NOTUM: variants seen among roughly 807,000 people sequenced by gnomAD.
NOTUM encodes the protein palmitoleoyl-protein carboxylesterase NOTUM.
In NOTUM, 36 loss-of-function variants were observed where a neutral mutation model predicts 65.5. The ratio of observed to expected loss-of-function variants is 0.55; its 90% CI spans 0.42 to 0.73. The LOEUF is 0.73. Ranked by LOEUF, NOTUM falls within the 30% of genes least tolerant of loss-of-function variation. The pLI is 0.00. For synonymous variants in NOTUM, 356 were observed against 297.9 expected (o/e 1.20, Z -2.01); for missense variants, 659 against 694.2 (o/e 0.95, Z 0.57).
chr17:81,957,042 T>G lies in NOTUM; in HGVS notation c.728A>C (p.Asp243Ala). 1 of 1,608,856 alleles carries G rather than the reference T, an allele frequency of 6.2e-7. No homozygotes were observed. The highest frequency in any genetic ancestry group is 8.5e-7 in the Non-Finnish European group (1 of 1,179,810). ...AGGTGVLLNV[D>A]RVAEQLEKLG... ...CTTCTCCAGCTGCTCAGCCACACGG[T>G]CCACATTCAGGAGCACCCCGGTGCC... is the stretch of plus-strand genomic sequence containing the variant. Residue 243 changes from aspartate to alanine, a missense_variant, in exon 7 of 11, where the codon GAC becomes GCC. Coordinates refer to ENST00000409678, the MANE Select transcript of NOTUM (RefSeq NM_178493.6).
chr17:81,958,924 T>G lies in NOTUM; in HGVS notation c.533+11A>C. 6.2e-7 allele frequency: 1 copy of G among 1,608,586 alleles called. No homozygotes were observed. Among genetic ancestry groups the G allele is most frequent in the South Asian group, 1.1e-5 (1 of 91,010 alleles). On this transcript the variant is annotated intron_variant, in intron 4 of 10. Coordinates refer to ENST00000409678, the MANE Select transcript of NOTUM (RefSeq NM_178493.6). The stretch of plus-strand genomic sequence containing the variant: ...GGCAGGACTCCCAGGCAAGACCCTG[T>G]GCCCCCTTACACCATGTTTGCGTTC...
Position 81,960,737 on chromosome 17 carries a change from G to A in NOTUM, c.173C>T (p.Ala58Val), listed in dbSNP as rs763314766. 4.4e-6 allele frequency: 7 copies of A among 1,600,196 alleles called. No homozygotes were observed. The highest frequency in any genetic ancestry group is 6.0e-6 in the Non-Finnish European group (7 of 1,174,234). The stretch of plus-strand genomic sequence containing the variant: ...GAAGCTGTCCATGTTACCCTCCACG[G>A]CCGTGAAGTCCAGCGGGAAGCTCTC... ...PVESFPLDFT[A>V]VEGNMDSFMA... The change falls in exon 1 of 11, where the codon GCC (alanine) becomes GTC (valine). Residue 58 changes from alanine to valine, a missense_variant. Physicochemically the swap from Ala to Val is moderately conservative, Grantham distance 64. Coordinates refer to ENST00000409678, the MANE Select transcript of NOTUM (RefSeq NM_178493.6). This position sits in a 1 kb window ranked among gnomAD's most constrained non-coding sequence, Gnocchi z 6.4.
Position 81,960,651 on chromosome 17 carries a change from C to G in NOTUM, c.259G>C (p.Glu87Gln), listed in dbSNP as rs765679835. ...LYPCSAQQLN[E>Q]DLRLHLLLNT... ...AGTAGGAGGTGCAGGCGCAGGTCCTCGTTGAGCTGCTGCGCGGAGCAGGGG... is the reference window on the plus strand; with the variant it reads ...AGTAGGAGGTGCAGGCGCAGGTCCTGGTTGAGCTGCTGCGCGGAGCAGGGG... The change falls in exon 1 of 11, where the codon GAG (glutamate) becomes CAG (glutamine). Residue 87 changes from glutamate to glutamine, a missense_variant. Glu to Gln is a conservative substitution (Grantham distance 29). Transcript: ENST00000409678. This position sits in a 1 kb window ranked among gnomAD's most constrained non-coding sequence, Gnocchi z 6.4. The G allele has an allele frequency of 3.2e-6, 5 of 1,578,060 alleles. No individual in the cohort carries two copies. The highest frequency in any genetic ancestry group is 4.3e-6 in the Non-Finnish European group (5 of 1,160,924).
intron 5 of NOTUM, 76 bp from the exon 6 acceptor site, chr17:81,957,984 G>A (rs2041445936): frequency 1.8e-6 from 2 of 1,132,748 alleles, no homozygotes; most frequent in Non-Finnish European, 2.6e-6. Flanking sequence ...ATGGCTGGCA[G>A]AGAAGTTCTT....
intron 5 of NOTUM, 79 bp downstream of exon 5, chr17:81,958,256 C>T: frequency 5.3e-6 from 5 of 949,390 alleles, no homozygotes; most frequent in East Asian, 2.4e-5. Context: ...TCATCCCTGC[C>T]CTGCCGTCCT....
At chr17:81,958,012 G>C in intron 5 of NOTUM, 104 bp from the exon 6 acceptor site, 1 of 859,094 alleles carries the variant, frequency 1.2e-6, no homozygotes, top group Non-Finnish European at 1.9e-6. Flanking sequence ...TGGGGGACTG[G>C]GAGGAATCTT....
Position 81,952,709 on chromosome 17 carries a change from G to A in NOTUM, c.*252C>T, listed in dbSNP as rs2041396215. 3.6e-6 allele frequency: 2 copies of A among 562,396 alleles called. No homozygotes were observed. The highest frequency in any genetic ancestry group is 3.3e-5 in the Admixed American group (1 of 30,594). The allele number at this position is 562,396 out of a possible 1,614,324, so 34.8% of individuals were successfully genotyped here. ...TGAGGAATCCAGTGCTTCTCTTCTG[G>A]CTACCCCCTCGTTGTCAGGAAGGAC... On this transcript the variant is annotated 3_prime_UTR_variant, in exon 11 of 11. Transcript: ENST00000409678.
chr17:81,957,946 G>C, intron 5 of NOTUM, 38 bp from the exon 6 acceptor site: 1 of 1,444,308 alleles, frequency 6.9e-7, no homozygotes, highest in Non-Finnish European at 9.6e-7. Context: ...TAGGGGCCTG[G>C]ACAGAGAGAA....
In NOTUM at chr17:81,956,661, G is replaced by A; in HGVS notation, c.977C>T (p.Pro326Leu). 2.5e-6 allele frequency: 4 copies of A among 1,610,766 alleles called. No individual in the cohort carries two copies. Among genetic ancestry groups the A allele is most frequent in the Non-Finnish European group, 3.4e-6 (4 of 1,177,976 alleles). Residue 326 changes from proline (P) to leucine (L), a missense_variant, in exon 8 of 11, where the codon CCG becomes CTG. Transcript: ENST00000409678. ...WNCFFGYKVY[P>L]TLRCPVFVVQ... is the part of the protein sequence containing the mutation. ...TGCCGCCCACTCACAGCGCAGGGTC[G>A]GGTAGACCTTGTAGCCAAAGAAGCA...
Position 81,952,900 on chromosome 17 carries a change from T to C in NOTUM, c.*61A>G, listed in dbSNP as rs1314211474. On this transcript the variant is annotated 3_prime_UTR_variant, in exon 11 of 11. Coordinates refer to ENST00000409678, the MANE Select transcript of NOTUM (RefSeq NM_178493.6). ...GAGGGCCTGCTGGTGGGGGGTGAGG[T>C]GGCACTGGGGCAGCGGGTGTCTGGG... 1.4e-6 allele frequency: 2 copies of C among 1,433,934 alleles called. No homozygotes were observed. Among genetic ancestry groups the C allele is most frequent in the Admixed American group, 1.7e-5 (1 of 58,318 alleles). 88.8% of individuals were successfully genotyped at this position (1,433,934 alleles called of 1,614,324 possible). A position where few individuals can be genotyped will look rare whatever the true frequency, so the allele number is the denominator to read the frequency against.
chr17:81,952,838 C>T lies in NOTUM; in HGVS notation c.*123G>A. 2 of 870,316 alleles carry T rather than the reference C, an allele frequency of 2.3e-6. No individual in the cohort carries two copies. The highest frequency in any genetic ancestry group is 1.5e-5 in the South Asian group (1 of 65,198). The allele number at this position is 870,316 out of a possible 1,614,324, so 53.9% of individuals were successfully genotyped here. A position where few individuals can be genotyped will look rare whatever the true frequency, so the allele number is the denominator to read the frequency against. On this transcript the variant is annotated 3_prime_UTR_variant, in exon 11 of 11. Transcript: ENST00000409678. The stretch of plus-strand genomic sequence containing the variant: ...CAGGAGGGCAGTGGGCAGACCCAGA[C>T]AGGGGGGACGGCTGGGGCCCTGTCC...
intron 10 of NOTUM, among the ~76,000 whole-genome samples, chr17:81,954,023 C>T (rs1335358505): frequency 6.6e-6 from 1 of 152,094 alleles, no homozygotes; most frequent in African/African-American, 2.4e-5. Flanking sequence ...GGTGATCCAC[C>T]TGCCTCAACC....
At chr17:81,958,838 G>T (rs888230544) in intron 4 of NOTUM, 97 bp downstream of exon 4, 4 of 928,952 alleles carry the variant, frequency 4.3e-6, no homozygotes, top group African/African-American at 3.3e-5. Flanking sequence ...GGACCCCCAG[G>T]AAAGACCATT....
intron 1 of NOTUM, 62 bp from the exon 2 acceptor site, chr17:81,959,754 GC>G: frequency 9.4e-7 from 1 of 1,059,128 alleles, no homozygotes; most frequent in Non-Finnish European, 1.2e-6. Context: ...CGCCCCGCGC[GC>G]CCAGCTCCGG....
In NOTUM at chr17:81,960,557, G is replaced by A. The variant is rs375226151; in HGVS notation, c.323+30C>T. On this transcript the variant is annotated intron_variant, in intron 1 of 10. Coordinates refer to ENST00000409678, the MANE Select transcript of NOTUM (RefSeq NM_178493.6). This position sits in a 1 kb window ranked among gnomAD's most constrained non-coding sequence, Gnocchi z 6.4. ...AGCCGGAGACCGGGCGCGTCGGGCGGGGCGGGGAGGTGCAGGGCGCGGGCC... is the reference window on the plus strand; with the variant it reads ...AGCCGGAGACCGGGCGCGTCGGGCGAGGCGGGGAGGTGCAGGGCGCGGGCC... The A allele has an allele frequency of 1.4e-6, 2 of 1,418,202 alleles. No individual in the cohort carries two copies. Among genetic ancestry groups the A allele is most frequent in the African/African-American group, 2.9e-5 (2 of 68,732 alleles). The allele number at this position is 1,418,202 out of a possible 1,614,324, so 87.9% of individuals were successfully genotyped here.
intron 4 of NOTUM, 121 bp from the exon 5 acceptor site, chr17:81,958,514 C>CAGGAT: frequency 1.4e-6 from 1 of 715,966 alleles, no homozygotes; most frequent in Non-Finnish European, 2.5e-6. Context: ...CTGGAAGGAC[C>CAGGAT]ATCCCAGGAT....
At chr17:81,958,788 C>A in intron 4 of NOTUM, 147 bp downstream of exon 4, 1 of 650,966 alleles carries the variant, frequency 1.5e-6, no homozygotes, top group Non-Finnish European at 2.7e-6. Context: ...CTCCAGAACC[C>A]CTCTAGGACA....
intron 9 of NOTUM, 38 bp downstream of exon 9, chr17:81,955,359 G>A: frequency 6.6e-7 from 1 of 1,506,898 alleles, no homozygotes; most frequent in East Asian, 2.5e-5. Flanking sequence ...TAAGGAGGGA[G>A]CTACCCGGCG....
chr17:81,954,632 C>G (rs1326225815), intron 9 of NOTUM, among the ~76,000 whole-genome samples: 2 of 152,226 alleles, frequency 1.3e-5, no homozygotes, highest in African/African-American at 2.4e-5. Context: ...CTCTATCGCC[C>G]CAGCTGGAGT....
Sources: gnomAD v4.1 joint callset for allele counts (sites outside exome capture counted in the v4.1 genomes callset) on GRCh38, gnomAD v4.1.1 for gene constraint, Gnocchi (gnomAD v3.1) non-coding constraint, MANE v1.5 for transcripts, NCBI Gene and HGNC (gene_info 2026-07-23, HGNC 2026-07-21) for gene names.